The following CPA4 variants were observed in gnomAD, a reference collection of about 807,000 sequenced individuals.
CPA4 encodes carboxypeptidase A3.
CPA4 carries 49 observed loss-of-function variants against 54.7 expected under a neutral mutation model. That is an observed-to-expected ratio of 0.90 (90% CI 0.71 to 1.14). CPA4 has a LOEUF of 1.14. CPA4 is among the 50% of genes most tolerant of loss of function. The pLI, the probability that CPA4 is intolerant of heterozygous loss-of-function variation, is 0.00. For missense variants in CPA4, 487 were observed against 525.1 expected (o/e 0.93, Z 0.71); for synonymous variants, 215 against 206.8 (o/e 1.04, Z -0.34).
chr7:130,296,859 G>A (rs1793658164), intron 1 of CPA4, among the ~76,000 whole-genome samples: 1 of 151,010 alleles, frequency 6.6e-6, no homozygotes, highest in Non-Finnish European at 1.5e-5. Flanking sequence ...TGGAGTGTTG[G>A]AGGTAGGTTA....
chr7:130,308,444 G>C (rs149102144), intron 8 of CPA4, 47 bp downstream of exon 8: 1 of 1,496,008 alleles, frequency 6.7e-7, no homozygotes. Flanking sequence ...CCCTGGGCTC[G>C]CCTGGTCTAC....
chr7:130,295,047 C>T (rs1315873283), intron 1 of CPA4, among the ~76,000 whole-genome samples: 1 of 152,190 alleles, frequency 6.6e-6, no homozygotes, highest in Non-Finnish European at 1.5e-5. Context: ...CAGGATGGGA[C>T]AATGGCCAGG....
chr7:130,316,345 C>A (rs753790680), intron 10 of CPA4, among the ~76,000 whole-genome samples: 1 of 152,110 alleles, frequency 6.6e-6, no homozygotes, highest in African/African-American at 2.4e-5. Flanking sequence ...TTTAGAATCG[C>A]TGTATAAATT....
chr7:130,312,112 C>A lies in CPA4; in HGVS notation c.1068C>A (p.Cys356Ter). The stretch of plus-strand genomic sequence containing the variant: ...CTGAGTACCAAGTGGGTCCCACCTG[C>A]ACCACTGTCTGTAAGTACTCGCTTA... ...SGTEYQVGPTCTTVYPASGSS... is the reference protein window; with the variant it reads ...SGTEYQVGPT The change falls in exon 10 of 11, where the codon TGC becomes TGA. Residue 356 changes from cysteine (C) to a stop codon, truncating the protein, a stop_gained. Coordinates refer to ENST00000222482, the MANE Select transcript of CPA4 (RefSeq NM_016352.4). LOFTEE classifies it high-confidence loss of function. 6.2e-7 allele frequency: 1 copy of A among 1,612,054 alleles called. No homozygotes were observed. Among genetic ancestry groups the A allele is most frequent in the South Asian group, 1.1e-5 (1 of 91,044 alleles).
intron 1 of CPA4, among the ~76,000 whole-genome samples, chr7:130,296,911 C>T (rs118108875): frequency 1.3e-5 from 2 of 151,818 alleles, no homozygotes; most frequent in African/African-American, 2.4e-5. Flanking sequence ...TGTCCCCATC[C>T]AGGAGTAAAG....
chr7:130,300,559 C>T (rs1366768571), intron 3 of CPA4, among the ~76,000 whole-genome samples: 3 of 152,054 alleles, frequency 2.0e-5, no homozygotes, highest in Admixed American at 1.3e-4. Context: ...TGGTCTCGAT[C>T]TCCTGACCTC....
At chr7:130,304,704 T>C in intron 5 of CPA4, 125 bp downstream of exon 5, 2 of 692,744 alleles carry the variant, frequency 2.9e-6, no homozygotes, top group Non-Finnish European at 5.2e-6. Flanking sequence ...TCAGGACACA[T>C]TGTACCTGGG....
Position 130,302,852 on chromosome 7 carries a change from T to C in CPA4, c.385-1626T>C, listed in dbSNP as rs74808672. On this transcript the variant is annotated intron_variant, in intron 4 of 10. Transcript: ENST00000222482. Reference sequence around the variant, plus strand: ...TGTGCCATGCTGGGTCCTATGGCTCTCCTCCTAGTCCAGGTTTGCCTAAGC... The same window carrying C: ...TGTGCCATGCTGGGTCCTATGGCTCCCCTCCTAGTCCAGGTTTGCCTAAGC... 5.6e-3 allele frequency among the ~76,000 whole-genome samples: 846 copies of C among 152,276 alleles called. 28 individuals are homozygous for C. Among genetic ancestry groups the C allele is most frequent in the Admixed American group, 0.045 (683 of 15,292 alleles).
chr7:130,307,228 C>CT, intron 7 of CPA4, among the ~76,000 whole-genome samples: 1 of 145,802 alleles, frequency 6.9e-6, no homozygotes, highest in East Asian at 2.0e-4. Context: ...GTACGCATCT[C>CT]TAACTGACGA....
In CPA4 at chr7:130,308,012, C is replaced by G. The variant is rs995718159; in HGVS notation, c.703-295C>G. 8.2e-5 allele frequency: 33 copies of G among 400,866 alleles called. No individual in the cohort carries two copies. In the Admixed American group the frequency reaches 1.2e-3, roughly 15 times the overall value. The allele number at this position is 400,866 out of a possible 1,614,324, so 24.8% of individuals were successfully genotyped here. Reference sequence around the variant, plus strand: ...ACCGAGGCATATAGTGTCCATTTGCCCACTTCTGCCAAAGCCAAAAATTAT... The same window carrying G: ...ACCGAGGCATATAGTGTCCATTTGCGCACTTCTGCCAAAGCCAAAAATTAT... On this transcript the variant is annotated intron_variant, in intron 7 of 10. Coordinates refer to ENST00000222482, the MANE Select transcript of CPA4 (RefSeq NM_016352.4).
chr7:130,308,309 C>G lies in CPA4; in HGVS notation c.705C>G (p.Asn235Lys). ...CCCCTCCTTGGTGGCTTTTTCAGAA[C>G]CGATTATGGAGGAAGACGCGGTCCC... ...PDGYVYTQTQ[N>K]RLWRKTRSRN... is the part of the protein sequence containing the mutation. Residue 235 changes from asparagine (N) to lysine (K), a missense_variant and splice_region_variant, in exon 8 of 11, where the codon AAC becomes AAG. By Grantham distance (94) the Asn-to-Lys change is moderately conservative (BLOSUM62 0). Coordinates refer to ENST00000222482, the MANE Select transcript of CPA4 (RefSeq NM_016352.4). 1 of 1,614,032 alleles carries G rather than the reference C, an allele frequency of 6.2e-7. No individual in the cohort carries two copies. Among genetic ancestry groups the G allele is most frequent in the Non-Finnish European group, 8.5e-7 (1 of 1,179,934 alleles).
At chr7:130,317,727 A>G (rs1427389666) in intron 10 of CPA4, among the ~76,000 whole-genome samples, 2 of 152,072 alleles carry the variant, frequency 1.3e-5, no homozygotes, top group Non-Finnish European at 2.9e-5. Flanking sequence ...TCAGCCTCCC[A>G]AAGTGCTGGG....
chr7:130,308,497 G>T, intron 8 of CPA4, 100 bp downstream of exon 8: 3 of 896,478 alleles, frequency 3.3e-6, no homozygotes, highest in South Asian at 1.4e-5. Context: ...TTCCACTTTG[G>T]TTCCGTTGCT....
chr7:130,306,169 A>C (rs568752294), intron 6 of CPA4: 1 of 536,850 alleles, frequency 1.9e-6, no homozygotes, highest in Admixed American at 3.2e-5. Flanking sequence ...CTCTGAGAGC[A>C]GTCCACTCCG....
At chr7:130,304,689 C>T (rs1793791593) in intron 5 of CPA4, 110 bp downstream of exon 5, 2 of 750,728 alleles carry the variant, frequency 2.7e-6, no homozygotes, top group East Asian at 4.9e-5. Flanking sequence ...GGGAGGAAAG[C>T]GAGGTCAGGA....
At chr7:130,299,167 C>T in intron 2 of CPA4, 103 bp from the exon 3 acceptor site, 1 of 1,270,382 alleles carries the variant, frequency 7.9e-7, no homozygotes, top group Non-Finnish European at 1.1e-6. Context: ...AGCCTAGCCT[C>T]TCAGGGATCA....
rs1584747885 is a variant in CPA4 at position 130,304,359 on chromosome 7, C to G, written c.385-119C>G. 6 of 755,728 alleles carry G rather than the reference C, an allele frequency of 7.9e-6. No individual in the cohort carries two copies. The East Asian group carries it at 1.5e-4, about 19-fold the overall frequency. 46.8% of individuals were successfully genotyped at this position (755,728 alleles called of 1,614,324 possible). A position where few individuals can be genotyped will look rare whatever the true frequency, so the allele number is the denominator to read the frequency against. On this transcript the variant is annotated intron_variant, in intron 4 of 10. Coordinates refer to ENST00000222482, the MANE Select transcript of CPA4 (RefSeq NM_016352.4). ...AGCGTTTCCATGCCGATAATATGGTCAATTCCAAGATTAGGGTCCCGGAAG... is the reference window on the plus strand; with the variant it reads ...AGCGTTTCCATGCCGATAATATGGTGAATTCCAAGATTAGGGTCCCGGAAG...
In CPA4 at chr7:130,300,851, C is replaced by T. The variant is rs1319605393; in HGVS notation, c.321C>T (p.His107=). The T allele has an allele frequency of 1.9e-6, 3 of 1,613,776 alleles. No individual in the cohort carries two copies. The African/African-American group carries it at 4.0e-5, about 22-fold the overall frequency. The part of the protein sequence containing the change: ...LLDNEDDEMQ[H]NEGQERSSNN... ...ACAATGAAGATGATGAAATGCAACACAATGAAGGGCAAGAACGGAGCAGTA... is the reference window on the plus strand; with the variant it reads ...ACAATGAAGATGATGAAATGCAACATAATGAAGGGCAAGAACGGAGCAGTA... Residue 107 remains histidine (H), a synonymous_variant, in exon 4 of 11, where the codon CAC becomes CAT. Transcript: ENST00000222482.
intron 3 of CPA4, chr7:130,299,695 C>T (rs145699658): frequency 4.3e-5 from 14 of 322,306 alleles, no homozygotes; most frequent in East Asian, 4.2e-4. Context: ...GCTGAGCCTC[C>T]GTTTCTTCAT....
Sources: allele counts gnomAD v4.1 joint callset (sites outside exome capture counted in the v4.1 genomes callset), GRCh38; gene constraint gnomAD v4.1.1; transcripts MANE v1.5; gene names NCBI Gene and HGNC (gene_info 2026-07-23, HGNC 2026-07-21).